Variants in BPTF observed in about 807,000 individuals in gnomAD.
The protein encoded by BPTF is bromodomain PHD finger transcription factor.
In BPTF, 18 loss-of-function variants were observed where a neutral mutation model predicts 292.5. That is an observed-to-expected ratio of 0.06 (90% CI 0.04 to 0.09). The LOEUF (loss-of-function observed/expected upper bound fraction) is 0.09. Among genes scored for constraint, BPTF ranks in the 10% least tolerant of loss-of-function variants. The probability of loss-of-function intolerance (pLI) is 1.00; values close to 1 mark genes in which losing one functional copy is unlikely to be tolerated. For missense variants in BPTF, 2,726 were observed against 3,498.7 expected, an observed-to-expected ratio of 0.78 and a Z score of 5.57; for synonymous variants, 1,225 against 1,251.9, an observed-to-expected ratio of 0.98 and a Z score of 0.45.
chr17:67,966,473 A>G (rs2068110567), intron 25 of BPTF, 99 bp from the exon 26 acceptor site: 1 of 1,039,748 alleles, frequency 9.6e-7, no homozygotes, highest in East Asian at 2.4e-5. Flanking sequence ...ATCAAATTTA[A>G]AACTCACTTT....
chr17:67,928,737 G>A lies in BPTF; in HGVS notation c.5998+136G>A, dbSNP rs898136897. ...CCAGTTGAGCAAACAAGCTGTAACGGTTGGTTTGTTACAAATAATGTTCAT... is the reference window on the plus strand; with the variant it reads ...CCAGTTGAGCAAACAAGCTGTAACGATTGGTTTGTTACAAATAATGTTCAT... On this transcript the variant is annotated intron_variant, in intron 16 of 27. Coordinates refer to ENST00000306378, the MANE Select transcript of BPTF (RefSeq NM_182641.4). 1.3e-5 allele frequency: 15 copies of A among 1,179,964 alleles called. No homozygotes were observed. In the East Asian group the frequency reaches 3.9e-4, roughly 30 times the overall value. The allele number at this position is 1,179,964 out of a possible 1,614,324, so 73.1% of individuals were successfully genotyped here.
intron 21 of BPTF, 21 bp downstream of exon 21, chr17:67,946,346 C>G: frequency 6.2e-7 from 1 of 1,608,436 alleles, no homozygotes. Flanking sequence ...TAAGTAAAAG[C>G]AGCATGTTCA....
intron 1 of BPTF, among the ~76,000 whole-genome samples, chr17:67,827,133 G>A (rs2056148150): frequency 6.6e-6 from 1 of 152,168 alleles, no homozygotes; most frequent in Non-Finnish European, 1.5e-5. Context: ...TCATTTGATC[G>A]CTTTGCCTTG....
Position 67,874,691 on chromosome 17 carries a change from A to G in BPTF, c.1661-126A>G, listed in dbSNP as rs544755249. On this transcript the variant is annotated intron_variant, in intron 3 of 27. Coordinates refer to ENST00000306378, the MANE Select transcript of BPTF (RefSeq NM_182641.4). ...TCTTGATTTTTATTTCATAGGTCTA[A>G]TGCTTTAAAAATACTTAATTTTTCC... The G allele has an allele frequency of 1.1e-5, 7 of 634,718 alleles. 1 individual carries two copies. The highest frequency in any genetic ancestry group is 7.3e-5 in the African/African-American group (4 of 54,444). The allele number at this position is 634,718 out of a possible 1,614,324, so 39.3% of individuals were successfully genotyped here.
chr17:67,974,061 A>G (rs1287435804), intron 26 of BPTF: 6 of 152,196 alleles, frequency 3.9e-5, no homozygotes, highest in Non-Finnish European at 7.3e-5. Context: ...TATTGGTTGA[A>G]CTTCCAAATC....
intron 21 of BPTF, among the ~76,000 whole-genome samples, chr17:67,947,197 T>C (rs950879310): frequency 7.9e-5 from 12 of 152,224 alleles, no homozygotes; most frequent in Admixed American, 5.9e-4. Context: ...AGTATTCTTA[T>C]GAAAATGACG....
At chr17:67,838,468 CAT>C (rs1027732014) in intron 1 of BPTF, among the ~76,000 whole-genome samples, 1 of 152,072 alleles carries the variant, frequency 6.6e-6, no homozygotes, top group Non-Finnish European at 1.5e-5. Flanking sequence ...TTTGTGTAAA[CAT>C]GTGTATGTAC....
At chr17:67,976,072 TA>T (rs61489754) in intron 27 of BPTF, 114 bp downstream of exon 27, 564,367 of 587,480 alleles carry the variant, frequency 0.96, 273,299 homozygotes, top group South Asian at 0.99. Context: ...TAAATATCTT[TA>T]AAAAAAAAAT....
chr17:67,957,256 C>T (rs1392541395), intron 23 of BPTF: 2 of 152,630 alleles, frequency 1.3e-5, no homozygotes, highest in Non-Finnish European at 2.9e-5. Flanking sequence ...GCACTCCAGC[C>T]TGGGCAACAA....
At chr17:67,940,844 T>TAGACAGTGAGCTA (rs2065305261) in intron 19 of BPTF, among the ~76,000 whole-genome samples, 188 bp downstream of exon 19, 1 of 152,208 alleles carries the variant, frequency 6.6e-6, no homozygotes, top group Non-Finnish European at 1.5e-5. Flanking sequence ...GAGTAATCTT[T>TAGACAGTGAGCTA]AGACAGTGAG....
chr17:67,904,114 C>T (rs1568023128), intron 8 of BPTF, among the ~76,000 whole-genome samples, 196 bp downstream of exon 8: 1 of 152,262 alleles, frequency 6.6e-6, no homozygotes, highest in East Asian at 1.9e-4. Flanking sequence ...CTACAGCCTC[C>T]GCCTCCTGGG....
intron 17 of BPTF, among the ~76,000 whole-genome samples, chr17:67,930,370 T>C (rs1189732207): frequency 1.3e-5 from 2 of 151,924 alleles, no homozygotes; most frequent in Admixed American, 6.5e-5. Context: ...GGCTAATTTT[T>C]GTATTTTTAG....
At chr17:67,928,323 T>G in intron 15 of BPTF, 32 bp from the exon 16 acceptor site, 4 of 1,575,328 alleles carry the variant, frequency 2.5e-6, no homozygotes, top group Non-Finnish European at 3.4e-6. Flanking sequence ...AGAACTATTT[T>G]GATTCATGTT....
intron 7 of BPTF, among the ~76,000 whole-genome samples, chr17:67,895,332 C>CA (rs35234780): frequency 0.11 from 6,139 of 54,834 alleles, 406 homozygotes; most frequent in Non-Finnish European, 0.12. Flanking sequence ...GACTTCATCT[C>CA]AAAAAAAAAA....
chr17:67,832,912 C>T (rs1251875293), intron 1 of BPTF, among the ~76,000 whole-genome samples: 1 of 151,468 alleles, frequency 6.6e-6, no homozygotes, highest in African/African-American at 2.4e-5. Flanking sequence ...CTCAGCCTCC[C>T]AAGTAGCTGG....
At chr17:67,868,144 TACTC>T (rs1309984604) in intron 3 of BPTF, among the ~76,000 whole-genome samples, 1 of 152,226 alleles carries the variant, frequency 6.6e-6, no homozygotes, top group Non-Finnish European at 1.5e-5. Context: ...TTTATTTTGT[TACTC>T]AACTCTTTAT....
chr17:67,975,720 C>T (rs1425391168), intron 26 of BPTF, 52 bp from the exon 27 acceptor site: 19 of 1,497,866 alleles, frequency 1.3e-5, no homozygotes, highest in South Asian at 2.5e-5. Flanking sequence ...AGAATATTCA[C>T]ATTGGAAAAA....
At chr17:67,861,179 C>G (rs1261328688) in intron 2 of BPTF, among the ~76,000 whole-genome samples, 3 of 152,114 alleles carry the variant, frequency 2.0e-5, no homozygotes, top group Admixed American at 2.0e-4. Flanking sequence ...TGAGAATAAA[C>G]TTTTTCCTTT....
intron 23 of BPTF, among the ~76,000 whole-genome samples, chr17:67,949,540 A>G (rs1598855536): frequency 6.6e-6 from 1 of 151,480 alleles, no homozygotes; most frequent in South Asian, 2.1e-4. Flanking sequence ...ACACCACTAC[A>G]CTCTAGCCTG....
Sources: gnomAD v4.1 joint callset for allele counts (sites outside exome capture counted in the v4.1 genomes callset) on GRCh38, gnomAD v4.1.1 for gene constraint, MANE v1.5 for transcripts, NCBI Gene and HGNC (gene_info 2026-07-23, HGNC 2026-07-21) for gene names.